DHRS12: variants seen among roughly 807,000 people sequenced by gnomAD.
DHRS12 encodes dehydrogenase/reductase SDR family member 12.
A neutral mutation model predicts 32.1 loss-of-function variants in DHRS12; 29 were observed. That is an observed-to-expected ratio of 0.90 (90% CI 0.67 to 1.23). DHRS12 has a LOEUF of 1.23. DHRS12 is among the 50% of genes most tolerant of loss of function. The pLI, the probability that DHRS12 is intolerant of heterozygous loss-of-function variation, is 0.00. For missense variants in DHRS12, 330 were observed against 337.2 expected (o/e 0.98, Z 0.17); for synonymous variants, 150 against 135.9 (o/e 1.10, Z -0.72).
chr13:51,800,801 G>C (rs2139440772), intron 1 of DHRS12, among the ~76,000 whole-genome samples: 1 of 152,340 alleles, frequency 6.6e-6, no homozygotes, highest in Admixed American at 6.5e-5. Context: ...AGTCAAGCCA[G>C]ATGTTCTTAA....
chr13:51,791,355 C>A, intron 2 of DHRS12, 98 bp from the exon 3 acceptor site: 1 of 670,372 alleles, frequency 1.5e-6, no homozygotes. Flanking sequence ...AAAGCAAATA[C>A]TTTGAAATGA....
chr13:51,760,610 C>T, the DHRS12 span: 1 of 152,178 alleles, frequency 6.6e-6, no homozygotes, highest in African/African-American at 2.4e-5. Flanking sequence ...GCAGCTCTCC[C>T]TCACTCGTAA....
chr13:51,803,937 A>T, intron 1 of DHRS12, 117 bp downstream of exon 1: 2 of 972,912 alleles, frequency 2.1e-6, no homozygotes, highest in Non-Finnish European at 2.7e-6. Context: ...GGACACGCTT[A>T]GTCGGCCCAG....
chr13:51,760,855 ACTTG>A, the DHRS12 span: 4 of 152,286 alleles, frequency 2.6e-5, no homozygotes, highest in African/African-American at 9.7e-5. Context: ...AGGCAGTAAC[ACTTG>A]CTTGCCCACT....
At chr13:51,755,733 T>A in the DHRS12 span, among the ~76,000 whole-genome samples, 3 of 152,252 alleles carry the variant, frequency 2.0e-5, no homozygotes, top group Non-Finnish European at 4.4e-5. Context: ...ATTAGAGGTG[T>A]CATGCTTAGT....
Position 51,777,136 on chromosome 13 carries a change from A to G in DHRS12, c.302-15T>C. On this transcript the variant is annotated splice_polypyrimidine_tract_variant and intron_variant, in intron 4 of 8. Transcript: ENST00000444610. ...AATGTACACACCTGAGGCAGCACAC[A>G]GCATCCCATGAGGGGGCTGCAGGAA... 1 of 1,613,954 alleles carries G rather than the reference A, an allele frequency of 6.2e-7. No individual in the cohort carries two copies. The highest frequency in any genetic ancestry group is 8.5e-7 in the Non-Finnish European group (1 of 1,179,990).
At chr13:51,778,935 G>C (rs1428990156) in intron 4 of DHRS12, among the ~76,000 whole-genome samples, 1 of 152,100 alleles carries the variant, frequency 6.6e-6, no homozygotes, top group African/African-American at 2.4e-5. Flanking sequence ...GTGGGTGTCT[G>C]TGTATATATA....
intron 4 of DHRS12, among the ~76,000 whole-genome samples, chr13:51,783,061 C>T (rs1264820212): frequency 3.3e-5 from 5 of 151,966 alleles, no homozygotes; most frequent in Admixed American, 3.3e-4. Context: ...CCAGGAGGCT[C>T]AGTCTGGGAA....
At chr13:51,800,852 C>T (rs1955721487) in intron 1 of DHRS12, among the ~76,000 whole-genome samples, 1 of 152,220 alleles carries the variant, frequency 6.6e-6, no homozygotes, top group Admixed American at 6.5e-5. Context: ...ATCTGTAACT[C>T]ACCAGAACAT....
chr13:51,789,556 T>C, intron 4 of DHRS12: 3 of 985,416 alleles, frequency 3.0e-6, no homozygotes, highest in Non-Finnish European at 3.6e-6. Context: ...TGGCCTGATA[T>C]AAAATGACTT....
At chr13:51,787,492 T>G (rs1955011077) in intron 4 of DHRS12, among the ~76,000 whole-genome samples, 1 of 151,478 alleles carries the variant, frequency 6.6e-6, no homozygotes, top group South Asian at 2.1e-4. Context: ...GAGGACATGC[T>G]GGGATGGGTG....
downstream of DHRS12, chr13:51,763,046 A>G (rs548861711): frequency 7.9e-5 from 12 of 152,336 alleles, no homozygotes; most frequent in South Asian, 2.1e-3. Flanking sequence ...AGAAATCATA[A>G]AGTCACAAAA....
chr13:51,783,256 G>T (rs1213933364), intron 4 of DHRS12, among the ~76,000 whole-genome samples: 1 of 152,080 alleles, frequency 6.6e-6, no homozygotes, highest in Non-Finnish European at 1.5e-5. Flanking sequence ...GTTCCTAGGA[G>T]CTCCAGACTC....
At chr13:51,791,466 T>C (rs1186289632) in intron 2 of DHRS12, among the ~76,000 whole-genome samples, 7 of 151,760 alleles carry the variant, frequency 4.6e-5, no homozygotes, top group Non-Finnish European at 1.0e-4. Flanking sequence ...ATATATACAA[T>C]ACATATATTT....
chr13:51,802,497 C>A (rs116965684), intron 1 of DHRS12, among the ~76,000 whole-genome samples: 1 of 152,314 alleles, frequency 6.6e-6, no homozygotes, highest in South Asian at 2.1e-4. Context: ...TCTCCCCACA[C>A]CCTCAATTTA....
the DHRS12 span, among the ~76,000 whole-genome samples, chr13:51,759,479 C>T: frequency 6.6e-6 from 1 of 152,198 alleles, no homozygotes; most frequent in Non-Finnish European, 1.5e-5. Flanking sequence ...CTTGTCTTCC[C>T]AGTCCTCTCA....
chr13:51,787,588 G>C (rs1056597867), intron 4 of DHRS12, among the ~76,000 whole-genome samples: 1 of 150,662 alleles, frequency 6.6e-6, no homozygotes, highest in East Asian at 1.9e-4. Context: ...CCTTGGGCAA[G>C]TGAAACAATC....
chr13:51,772,867 A>C, intron 6 of DHRS12: 1 of 985,466 alleles, frequency 1.0e-6, no homozygotes, highest in Middle Eastern at 5.2e-4. Context: ...GATGTAATTC[A>C]CCAGGATTTG....
At chr13:51,798,695 C>T (rs1187882800) in intron 2 of DHRS12, among the ~76,000 whole-genome samples, 2 of 151,602 alleles carry the variant, frequency 1.3e-5, no homozygotes, top group East Asian at 3.9e-4. Context: ...ATATAATAGT[C>T]CCCTGAAAAA....
Sources: gnomAD v4.1 joint callset for allele counts (sites outside exome capture counted in the v4.1 genomes callset) on GRCh38, gnomAD v4.1.1 for gene constraint, MANE v1.5 for transcripts, NCBI Gene and HGNC (gene_info 2026-07-23, HGNC 2026-07-21) for gene names.